Variants in AGL observed in about 807,000 individuals in gnomAD.
The protein encoded by AGL is glycogen debranching enzyme.
A neutral mutation model predicts 199.3 loss-of-function variants in AGL; 128 were observed. The ratio of observed to expected loss-of-function variants is 0.64; its 90% confidence interval spans 0.56 to 0.74. The LOEUF is 0.74. Among genes scored for constraint, AGL ranks in the 30% least tolerant of loss-of-function variants. The probability of loss-of-function intolerance (pLI) is 0.00; values close to 1 mark genes in which losing one functional copy is unlikely to be tolerated. For missense variants in AGL, 1,809 were observed against 1,820.8 expected (o/e 0.99, Z 0.12); for synonymous variants, 584 against 594.7 (o/e 0.98, Z 0.26).
At chr1:99,870,637 A>G (rs1650912846) in intron 6 of AGL, 56 bp downstream of exon 6, 17 of 1,577,228 alleles carry the variant, frequency 1.1e-5, no homozygotes, top group Non-Finnish European at 1.3e-5. Context: ...TAAAGCACAC[A>G]TTAAATATAT....
chr1:99,891,239 A>T lies in AGL; in HGVS notation c.2832A>T (p.Ala944=), dbSNP rs1570463525. 5 of 1,613,684 alleles carry T rather than the reference A, an allele frequency of 3.1e-6. No homozygotes were observed. The East Asian group carries it at 1.1e-4, about 36-fold the overall frequency. Residue 944 remains alanine (A), a synonymous_variant, in exon 22 of 34, where the codon GCA becomes GCT. Coordinates refer to ENST00000361915, the MANE Select transcript of AGL (RefSeq NM_000642.3). The part of the protein sequence containing the change: ...AGLQGLMSVL[A]EIRPKNDLGH... ...TTTCAGGTTTAATGTCTGTATTGGC[A>T]GAAATAAGACCAAAGAATGACTTGG... is the stretch of plus-strand genomic sequence containing the variant.
At chr1:99,860,694 A>G (rs1388784106) in intron 2 of AGL, among the ~76,000 whole-genome samples, 1 of 152,232 alleles carries the variant, frequency 6.6e-6, no homozygotes, top group Non-Finnish European at 1.5e-5. Flanking sequence ...TAACTAAACC[A>G]TGAAGCATAG....
In AGL at chr1:99,892,446, G is replaced by T. The variant is rs1255302658; in HGVS notation, c.3098G>T (p.Gly1033Val). The change falls in exon 24 of 34, where the codon GGT (glycine) becomes GTT (valine). Residue 1033 changes from glycine to valine, a missense_variant. By Grantham distance (109) the Gly-to-Val change is moderately radical (BLOSUM62 -3). Transcript: ENST00000361915. ...WKQMSSFVQN[G>V]STFVKHLSLG... ...TTTTGTTACAGCTTTGTTCAGAATG[G>T]TTCAACCTTTGTGAAACACCTTTCA... 6.2e-7 allele frequency: 1 copy of T among 1,613,472 alleles called. No individual in the cohort carries two copies. Among genetic ancestry groups the T allele is most frequent in the African/African-American group, 1.3e-5 (1 of 74,978 alleles).
chr1:99,857,854 A>AGGGGGCGGGGGGGGGGGGG, intron 2 of AGL, among the ~76,000 whole-genome samples: 1 of 110,646 alleles, frequency 9.0e-6, no homozygotes, highest in Non-Finnish European at 1.9e-5. Context: ...GGGAGGGGGG[A>AGGGGGCGGGGGGGGGGGGG]AGAGGGAGAG....
intron 27 of AGL, among the ~76,000 whole-genome samples, chr1:99,905,861 A>T (rs1401905359): frequency 3.3e-5 from 5 of 152,152 alleles, no homozygotes; most frequent in South Asian, 2.1e-4. Context: ...GATTACAGGG[A>T]TGAGCCACTG....
intron 27 of AGL, among the ~76,000 whole-genome samples, chr1:99,908,098 A>G (rs1207540334): frequency 1.3e-5 from 2 of 152,126 alleles, no homozygotes; most frequent in African/African-American, 4.8e-5. Context: ...ATTCAATGTC[A>G]TGAAGCTTTT....
At chr1:99,854,612 A>T (rs113919251) in intron 2 of AGL, among the ~76,000 whole-genome samples, 9 of 152,010 alleles carry the variant, frequency 5.9e-5, no homozygotes, top group African/African-American at 2.2e-4. Flanking sequence ...AATACAAAAA[A>T]AATTAGCCGG....
Position 99,861,711 on chromosome 1 carries a change from AG to A in AGL, c.293+1del, listed in dbSNP as rs777857395. On this transcript the variant is annotated frameshift_variant and splice_region_variant, in exon 3 of 34. Coordinates refer to ENST00000361915, the MANE Select transcript of AGL (RefSeq NM_000642.3). LOFTEE classifies it high-confidence loss of function. The part of the protein sequence containing the change: ...SGSFQYYFLQ[G>X]NEKSGGGYIV... The stretch of plus-strand genomic sequence containing the variant: ...GTTCATTTCAGTATTATTTCCTTCA[AG>A]GGTAAGTCAGGTGTTTTGTTTGTGA... The A allele has an allele frequency of 2.0e-5, 32 of 1,613,394 alleles. No homozygotes were observed. Among genetic ancestry groups the A allele is most frequent in the Non-Finnish European group, 2.4e-5 (28 of 1,179,678 alleles).
chr1:99,912,055 C>T (rs1398522993), intron 28 of AGL, among the ~76,000 whole-genome samples: 2 of 151,850 alleles, frequency 1.3e-5, no homozygotes, highest in Non-Finnish European at 2.9e-5. Context: ...TGTCTGCCTT[C>T]CCTCACTTTC....
chr1:99,900,709 G>A lies in AGL; in HGVS notation c.3436G>A (p.Ala1146Thr), dbSNP rs771430830. The A allele has an allele frequency of 1.5e-5, 24 of 1,614,068 alleles. No individual in the cohort carries two copies. In the South Asian group the frequency reaches 2.5e-4, roughly 17 times the overall value. The change falls in exon 26 of 34, where the codon GCC becomes ACC. Residue 1146 changes from alanine to threonine, a missense_variant. Coordinates refer to ENST00000361915, the MANE Select transcript of AGL (RefSeq NM_000642.3). Reference sequence around the variant, plus strand: ...TAATCTACTGGGTGAAGGAATTTATGCCAGATACAATTGTCGGGATGCTGT... The same window carrying A: ...TAATCTACTGGGTGAAGGAATTTATACCAGATACAATTGTCGGGATGCTGT... The part of the protein sequence containing the change: ...IPNLLGEGIY[A>T]RYNCRDAVWW...
intron 20 of AGL, among the ~76,000 whole-genome samples, chr1:99,885,420 A>G (rs925718924): frequency 6.6e-6 from 1 of 152,216 alleles, no homozygotes; most frequent in Non-Finnish European, 1.5e-5. Context: ...TAGTACTAGT[A>G]TAAATATTTT....
At chr1:99,850,792 G>C in intron 1 of AGL, 183 bp from the exon 2 acceptor site, 1 of 496,842 alleles carries the variant, frequency 2.0e-6, no homozygotes, top group Non-Finnish European at 3.6e-6. Context: ...CTTATTCGTT[G>C]TGCTCAAAGG....
At position 99,861,925 on chromosome 1, in the gene AGL, C is replaced by A. The variant is rs3766592; in HGVS notation, c.293+212C>A. ...CAAGTAAATGTATTTTAAGTAACAT[C>A]TTAAAATGTAGTAATTTCATGCAAC... On this transcript the variant is annotated intron_variant, in intron 3 of 33. Transcript: ENST00000361915. 0.32 allele frequency among the ~76,000 whole-genome samples: 49,027 copies of A among 151,970 alleles called. 9,216 individuals are homozygous for A. The highest frequency in any genetic ancestry group is 0.47 in the East Asian group (2,429 of 5,166).
At chr1:99,879,678 C>A (rs531351042) in intron 12 of AGL, among the ~76,000 whole-genome samples, 1 of 151,986 alleles carries the variant, frequency 6.6e-6, no homozygotes, top group African/African-American at 2.4e-5. Context: ...TAATATGAAA[C>A]TAACATTTTT....
chr1:99,900,692 TG>T lies in AGL; in HGVS notation c.3422del (p.Gly1141ValfsTer32). 6.2e-7 allele frequency: 1 copy of T among 1,614,130 alleles called. No individual in the cohort carries two copies. The highest frequency in any genetic ancestry group is 8.5e-7 in the Non-Finnish European group (1 of 1,180,022). On this transcript the variant is annotated frameshift_variant, in exon 26 of 34. Coordinates refer to ENST00000361915, the MANE Select transcript of AGL (RefSeq NM_000642.3). LOFTEE classifies it high-confidence loss of function. ...TLRHGLIPNL[L>X]GEGIYARYNC... The stretch of plus-strand genomic sequence containing the variant: ...AGGCATGGTCTCATTCCTAATCTAC[TG>T]GGTGAAGGAATTTATGCCAGATACA...
At chr1:99,911,303 A>C (rs1458456367) in intron 28 of AGL, among the ~76,000 whole-genome samples, 1 of 152,232 alleles carries the variant, frequency 6.6e-6, no homozygotes, top group Admixed American at 6.5e-5. Context: ...TTATCATTTC[A>C]AATGCTAAAT....
intron 19 of AGL, 45 bp from the exon 20 acceptor site, chr1:99,884,524 T>A (rs751712636): frequency 6.2e-7 from 1 of 1,609,288 alleles, no homozygotes; most frequent in South Asian, 1.1e-5. Flanking sequence ...TAAATTTGAA[T>A]AAATTACTCC....
chr1:99,918,498 A>AT (rs1172989872), intron 33 of AGL, among the ~76,000 whole-genome samples: 1 of 151,270 alleles, frequency 6.6e-6, no homozygotes, highest in Non-Finnish European at 1.5e-5. Flanking sequence ...TTGTTTTTTG[A>AT]TTTTTGGAGC....
At chr1:99,867,903 A>G (rs1337485488) in intron 5 of AGL, among the ~76,000 whole-genome samples, 1 of 152,156 alleles carries the variant, frequency 6.6e-6, no homozygotes, top group Non-Finnish European at 1.5e-5. Context: ...TGCAGAGCTG[A>G]CATCCTTTCC....
Sources: gnomAD v4.1 joint callset for allele counts (sites outside exome capture counted in the v4.1 genomes callset) on GRCh38, gnomAD v4.1.1 for gene constraint, MANE v1.5 for transcripts, NCBI Gene and HGNC (gene_info 2026-07-23, HGNC 2026-07-21) for gene names.